The following RMDN1 variants were observed in gnomAD, a reference collection of about 807,000 sequenced individuals.
RMDN1 encodes the protein regulator of microtubule dynamics protein 1.
Under a neutral mutation model 48.9 loss-of-function variants are expected in RMDN1, and 48 were observed. That is an observed-to-expected ratio of 0.98 (90% CI 0.78 to 1.25). The LOEUF is 1.25. RMDN1 is among the 50% of genes most tolerant of loss of function. The probability of loss-of-function intolerance (pLI) is 0.00; values close to 1 mark genes in which losing one functional copy is unlikely to be tolerated. For missense variants in RMDN1, 418 were observed against 373.4 expected (o/e 1.12, Z -0.98); for synonymous variants, 148 against 132.6 (o/e 1.12, Z -0.80).
intron 2 of RMDN1, among the ~76,000 whole-genome samples, chr8:86,505,566 T>C (rs1265449455): frequency 1.3e-5 from 2 of 152,246 alleles, no homozygotes; most frequent in Non-Finnish European, 1.5e-5. Flanking sequence ...TTTAATTACA[T>C]AATTTTTTAA....
rs764700050 is a variant in RMDN1 at position 86,507,065 on chromosome 8, A to G, written c.177T>C (p.Ala59=). ...GTFKRGLLLS[A]LSYLGFETYQ... is the part of the protein sequence containing the mutation. ...AAGTTTCAAAACCCAAATACGACAA[A>G]GCTGAGAGTAAAAGGCCTCTTTTGA... Residue 59 remains alanine, a synonymous_variant, in exon 2 of 10, where the codon GCT becomes GCC. Coordinates refer to ENST00000406452, the MANE Select transcript of RMDN1 (RefSeq NM_016033.3). 5.0e-6 allele frequency: 8 copies of G among 1,613,414 alleles called. No homozygotes were observed. The highest frequency in any genetic ancestry group is 6.8e-6 in the Non-Finnish European group (8 of 1,179,342).
downstream of RMDN1, among the ~76,000 whole-genome samples, chr8:86,471,340 G>C (rs1812544922): frequency 2.0e-5 from 3 of 150,378 alleles, no homozygotes; most frequent in South Asian, 6.3e-4. Context: ...CTTCCCATTT[G>C]ATGACCTAGT....
chr8:86,497,028 T>C (rs939074369), intron 2 of RMDN1, among the ~76,000 whole-genome samples: 2 of 152,194 alleles, frequency 1.3e-5, no homozygotes, highest in African/African-American at 4.8e-5. Flanking sequence ...AACAATTTGC[T>C]CCTGCATGAC....
chr8:86,488,732 T>C (rs143724781), intron 2 of RMDN1, 93 bp from the exon 3 acceptor site: 7 of 722,010 alleles, frequency 9.7e-6, no homozygotes, highest in Non-Finnish European at 1.5e-5. Flanking sequence ...CTTTTATATA[T>C]AAGCAAATGA....
In RMDN1 at chr8:86,473,542, G is replaced by C. The variant is rs895060619; in HGVS notation, c.*766C>G. On this transcript the variant is annotated 3_prime_UTR_variant, in exon 10 of 10. Coordinates refer to ENST00000406452, the MANE Select transcript of RMDN1 (RefSeq NM_016033.3). ...GCAATTTGGGAGGCCAAGGCGGGCAGATCACTTGAGGCCAGGAGTTTGAGA... is the reference window on the plus strand; with the variant it reads ...GCAATTTGGGAGGCCAAGGCGGGCACATCACTTGAGGCCAGGAGTTTGAGA... 1.3e-6 allele frequency: 1 copy of C among 775,328 alleles called. No individual in the cohort carries two copies. The highest frequency in any genetic ancestry group is 1.9e-5 in the African/African-American group (1 of 52,874). 48.0% of individuals were successfully genotyped at this position (775,328 alleles called of 1,614,324 possible). A position where few individuals can be genotyped will look rare whatever the true frequency, so the allele number is the denominator to read the frequency against.
At chr8:86,471,400 G>A (rs1812549897), downstream of RMDN1, among the ~76,000 whole-genome samples, 1 of 151,798 alleles carries the variant, frequency 6.6e-6, no homozygotes, top group South Asian at 2.1e-4. Context: ...AAAAAATAAA[G>A]TCACTCTAAA....
chr8:86,490,579 G>A (rs1400139269), intron 2 of RMDN1, among the ~76,000 whole-genome samples: 2 of 149,182 alleles, frequency 1.3e-5, no homozygotes, highest in Non-Finnish European at 2.9e-5. Flanking sequence ...GCTGATTTTA[G>A]CCAGTCAGAC....
At chr8:86,487,664 T>C (rs1815705917) in intron 3 of RMDN1, among the ~76,000 whole-genome samples, 1 of 152,114 alleles carries the variant, frequency 6.6e-6, no homozygotes, top group Non-Finnish European at 1.5e-5. Context: ...CTTTATTTTT[T>C]TAACATAAAA....
At chr8:86,508,827 CTTAATGGA>C, upstream of RMDN1, 1 of 1,276,840 alleles carries the variant, frequency 7.8e-7, no homozygotes. Flanking sequence ...TTGGGTGGGA[CTTAATGGA>C]CTTTCCGCGC....
upstream of RMDN1, among the ~76,000 whole-genome samples, chr8:86,512,183 TC>T (rs1174431353): frequency 2.0e-5 from 3 of 152,106 alleles, no homozygotes; most frequent in South Asian, 2.1e-4. Context: ...TACAAAACCA[TC>T]CCCTTGCCTC....
chr8:86,513,393 A>G (rs140089840), upstream of RMDN1, among the ~76,000 whole-genome samples: 615 of 152,314 alleles, frequency 4.0e-3, 2 homozygotes, highest in African/African-American at 0.014. Flanking sequence ...TAAAAATAAA[A>G]AATAAATGAA....
chr8:86,481,678 T>G lies in RMDN1; in HGVS notation c.586-1346A>C, dbSNP rs944975152. On this transcript the variant is annotated intron_variant, in intron 5 of 9. Transcript: ENST00000406452. Reference sequence around the variant, plus strand: ...GACCCAATGGATGTAGGTTCCAAATTTGGATTCTTGCTGGCCCCACCAATG... The same window carrying G: ...GACCCAATGGATGTAGGTTCCAAATGTGGATTCTTGCTGGCCCCACCAATG... 3 of 430,040 alleles carry G rather than the reference T, an allele frequency of 7.0e-6. No homozygotes were observed. The East Asian group carries it at 1.0e-4, about 15-fold the overall frequency. 26.6% of individuals were successfully genotyped at this position (430,040 alleles called of 1,614,324 possible). A position where few individuals can be genotyped will look rare whatever the true frequency, so the allele number is the denominator to read the frequency against.
chr8:86,479,547 T>C (rs1813987606), intron 6 of RMDN1, among the ~76,000 whole-genome samples: 1 of 152,218 alleles, frequency 6.6e-6, no homozygotes, highest in African/African-American at 2.4e-5. Context: ...TCTGAAGTCC[T>C]TAAGGCAGAA....
At chr8:86,495,660 G>A (rs905275309) in intron 2 of RMDN1, among the ~76,000 whole-genome samples, 4 of 152,094 alleles carry the variant, frequency 2.6e-5, no homozygotes, top group African/African-American at 9.7e-5. Flanking sequence ...AGCTGTCCTG[G>A]TGAAACACTT....
upstream of RMDN1, among the ~76,000 whole-genome samples, chr8:86,510,410 C>T (rs888061744): frequency 2.6e-5 from 4 of 151,934 alleles, no homozygotes; most frequent in Non-Finnish European, 5.9e-5. Context: ...TAATGTCTTG[C>T]ATTTGTTATG....
intron 5 of RMDN1, among the ~76,000 whole-genome samples, chr8:86,480,798 T>C (rs981921701): frequency 6.6e-6 from 1 of 151,910 alleles, no homozygotes; most frequent in African/African-American, 2.4e-5. Flanking sequence ...GTCTCTTCTA[T>C]GCAGATTTTA....
At chr8:86,492,535 C>G (rs922903719) in intron 2 of RMDN1, among the ~76,000 whole-genome samples, 1 of 151,932 alleles carries the variant, frequency 6.6e-6, no homozygotes, top group Non-Finnish European at 1.5e-5. Context: ...TGCCTATGAT[C>G]CCAGCTACTT....
chr8:86,507,851 A>C (rs1019638053), intron 1 of RMDN1, among the ~76,000 whole-genome samples: 4 of 152,224 alleles, frequency 2.6e-5, no homozygotes, highest in African/African-American at 9.6e-5. Flanking sequence ...CTGAGCAGTT[A>C]AAAATTTGAG....
chr8:86,480,365 G>T, intron 5 of RMDN1, 33 bp from the exon 6 acceptor site: 5 of 1,278,978 alleles, frequency 3.9e-6, no homozygotes, highest in Non-Finnish European at 5.4e-6. Flanking sequence ...AATCATATTT[G>T]TTTTCTAAAC....
Sources: allele counts gnomAD v4.1 joint callset (sites outside exome capture counted in the v4.1 genomes callset), GRCh38; gene constraint gnomAD v4.1.1; transcripts MANE v1.5; gene names NCBI Gene and HGNC (gene_info 2026-07-23, HGNC 2026-07-21).